The following UNC5B variants were observed in gnomAD, a reference collection of about 807,000 sequenced individuals.
The protein encoded by UNC5B is unc-5 netrin receptor B.
In UNC5B, 56 loss-of-function variants were observed where a neutral mutation model predicts 103.7. That is an observed-to-expected ratio of 0.54 (90% confidence interval 0.44 to 0.67). UNC5B has a LOEUF of 0.67. Ranked by LOEUF, UNC5B falls within the 30% of genes least tolerant of loss-of-function variation. The pLI is 0.00. For synonymous variants in UNC5B, 577 were observed against 542.0 expected (o/e 1.06, Z -0.90); for missense variants, 1,194 against 1,284.5 (o/e 0.93, Z 1.08).
chr10:71,278,746 C>CTAG (rs1844835633), intron 1 of UNC5B, among the ~76,000 whole-genome samples: 1 of 152,268 alleles, frequency 6.6e-6, no homozygotes, highest in Non-Finnish European at 1.5e-5. Flanking sequence ...GTAGGTGGGG[C>CTAG]CTCTAGCTGG....
chr10:71,262,246 C>T (rs1007640370), intron 1 of UNC5B, among the ~76,000 whole-genome samples: 8 of 152,058 alleles, frequency 5.3e-5, no homozygotes, highest in East Asian at 1.9e-4. Context: ...GGCTGGCACC[C>T]GACACCCCCT....
chr10:71,213,104 C>T lies in UNC5B; in HGVS notation c.79+40C>T. 8.0e-7 allele frequency: 1 copy of T among 1,249,734 alleles called. No individual in the cohort carries two copies. Among genetic ancestry groups the T allele is most frequent in the South Asian group, 3.3e-5 (1 of 30,740 alleles). 77.4% of individuals were successfully genotyped at this position (1,249,734 alleles called of 1,614,324 possible). On this transcript the variant is annotated intron_variant, in intron 1 of 16. Transcript: ENST00000335350. The surrounding 1 kb of genome is among the most constrained non-coding windows in gnomAD (Gnocchi z 4.1). ...GGTCTGGGGGCGCGGGGCTAGGGGA[C>T]CCTTGCGCCTCACTCTGTCCTGAAG...
chr10:71,286,694 A>G lies in UNC5B; in HGVS notation c.558A>G (p.Glu186=), dbSNP rs61746223. The G allele has an allele frequency of 1.7e-3, 2,697 of 1,614,056 alleles. 67 individuals carry two copies. Among genetic ancestry groups the G allele is most frequent in the Non-Finnish European group, 3.5e-4 (413 of 1,179,960 alleles). ...PPEGVPVAEV[E]WLKNEDVIDP... is the part of the protein sequence containing the mutation. The stretch of plus-strand genomic sequence containing the variant: ...CCTCACCCCCACTCTTGCAGGTGGA[A>G]TGGCTCAAGAATGAGGATGTCATCG... The change falls in exon 5 of 17, where the codon GAA becomes GAG. Residue 186 remains glutamate, a synonymous_variant. Transcript: ENST00000335350.
intron 1 of UNC5B, among the ~76,000 whole-genome samples, chr10:71,234,779 G>A (rs1163406455): frequency 6.6e-6 from 1 of 152,328 alleles, no homozygotes; most frequent in East Asian, 1.9e-4. Flanking sequence ...AGGCTGCTGG[G>A]TCTGGGGGCC....
At chr10:71,265,704 G>A (rs971348354) in intron 1 of UNC5B, among the ~76,000 whole-genome samples, 1 of 152,154 alleles carries the variant, frequency 6.6e-6, no homozygotes, top group African/African-American at 2.4e-5. Flanking sequence ...CCTCCCTAAG[G>A]AGAGGCTCTG....
At chr10:71,215,737 T>C (rs1334389322) in intron 1 of UNC5B, among the ~76,000 whole-genome samples, 1 of 151,686 alleles carries the variant, frequency 6.6e-6, no homozygotes, top group Non-Finnish European at 1.5e-5. Context: ...TGAGAAGGAG[T>C]CGAGGTGTCA....
chr10:71,253,613 C>G (rs1354717673), intron 1 of UNC5B, among the ~76,000 whole-genome samples: 1 of 152,192 alleles, frequency 6.6e-6, no homozygotes, highest in African/African-American at 2.4e-5. Flanking sequence ...GGCTTTGTCT[C>G]CCTCTCCCCT....
intron 1 of UNC5B, among the ~76,000 whole-genome samples, chr10:71,225,773 G>A (rs775438945): frequency 3.3e-5 from 5 of 152,102 alleles, no homozygotes; most frequent in Admixed American, 6.5e-5. Flanking sequence ...AGCCTGAGAC[G>A]TAAGTGCCAA....
intron 15 of UNC5B, among the ~76,000 whole-genome samples, chr10:71,296,944 T>G (rs1589209134): frequency 8.8e-6 from 1 of 113,774 alleles, no homozygotes; most frequent in Non-Finnish European, 1.8e-5. Context: ...CTGGCGGAGG[T>G]GAGGGAAGGG....
chr10:71,228,083 A>T (rs1843610680), intron 1 of UNC5B, among the ~76,000 whole-genome samples: 1 of 152,222 alleles, frequency 6.6e-6, no homozygotes, highest in Admixed American at 6.5e-5. Flanking sequence ...TACATAACAA[A>T]GGTGGTATCA....
chr10:71,288,314 C>T (rs1845146919), intron 6 of UNC5B, among the ~76,000 whole-genome samples: 2 of 152,170 alleles, frequency 1.3e-5, no homozygotes, highest in Non-Finnish European at 2.9e-5. Context: ...TGGGCTATAT[C>T]GTGTTGATGA....
chr10:71,224,383 A>ATG (rs1564705448), intron 1 of UNC5B, among the ~76,000 whole-genome samples: 37 of 150,896 alleles, frequency 2.5e-4, no homozygotes, highest in African/African-American at 9.1e-4. Context: ...ACACACACAC[A>ATG]CACACACACA....
In UNC5B at chr10:71,223,676, G is replaced by C. The variant is rs537544657; in HGVS notation, c.79+10612G>C. Among the ~76,000 whole-genome samples the C allele has an allele frequency of 1.6e-4, 25 of 152,268 alleles. No homozygotes were observed. The South Asian group carries it at 5.2e-3, about 32-fold the overall frequency. On this transcript the variant is annotated intron_variant, in intron 1 of 16. Transcript: ENST00000335350. ...TGGTAAATTTTGTACTTATCTGCAA[G>C]GTGGCCCTTGTAAGGCACAGCTGGT...
chr10:71,255,457 G>A (rs1419246089), intron 1 of UNC5B, among the ~76,000 whole-genome samples: 1 of 152,102 alleles, frequency 6.6e-6, no homozygotes, highest in Non-Finnish European at 1.5e-5. Flanking sequence ...AAATGTCACC[G>A]GCTGTCACTG....
chr10:71,253,740 C>T (rs925060917), intron 1 of UNC5B, among the ~76,000 whole-genome samples: 1 of 152,098 alleles, frequency 6.6e-6, no homozygotes, highest in Non-Finnish European at 1.5e-5. Flanking sequence ...TGAGGGTCCT[C>T]CTCCCCAGAG....
At chr10:71,292,614 C>A in intron 11 of UNC5B, 60 bp downstream of exon 11, 1 of 1,457,474 alleles carries the variant, frequency 6.9e-7, no homozygotes, top group Non-Finnish European at 9.4e-7. Flanking sequence ...TGCCTGCCCA[C>A]ACGTGGCTCC....
At chr10:71,214,090 G>A (rs1252114602) in intron 1 of UNC5B, among the ~76,000 whole-genome samples, 5 of 152,144 alleles carry the variant, frequency 3.3e-5, no homozygotes, top group Non-Finnish European at 5.9e-5. Flanking sequence ...GGCCACGGCT[G>A]CCGGGCGGCT....
At chr10:71,225,840 G>GTGCCACACAGACTTGAGGACACCC (rs71012273) in intron 1 of UNC5B, among the ~76,000 whole-genome samples, 24,401 of 151,504 alleles carry the variant, frequency 0.16, 2,542 homozygotes, top group Non-Finnish European at 0.23. Flanking sequence ...GCTTGCCACC[G>GTGCCACACAGACTTGAGGACACCC]TGCCACACAG....
chr10:71,299,506 T>C lies in UNC5B; in HGVS notation c.*229T>C, dbSNP rs1359086614. 5.9e-6 allele frequency: 3 copies of C among 512,102 alleles called. No individual in the cohort carries two copies. In the Admixed American group the frequency reaches 9.8e-5, roughly 17 times the overall value. The allele number at this position is 512,102 out of a possible 1,614,324, so 31.7% of individuals were successfully genotyped here. A position where few individuals can be genotyped will look rare whatever the true frequency, so the allele number is the denominator to read the frequency against. On this transcript the variant is annotated 3_prime_UTR_variant, in exon 17 of 17. Coordinates refer to ENST00000335350, the MANE Select transcript of UNC5B (RefSeq NM_170744.5). ...TTCTCCACCCCCGCTCTCTCTCTCT[T>C]GGCCTGAGATCTCTGTGCAGGAACC...
Sources: gnomAD v4.1 joint callset for allele counts (sites outside exome capture counted in the v4.1 genomes callset) on GRCh38, gnomAD v4.1.1 for gene constraint, Gnocchi (gnomAD v3.1) non-coding constraint, MANE v1.5 for transcripts, NCBI Gene and HGNC (gene_info 2026-07-23, HGNC 2026-07-21) for gene names.